Variants in LRRC58 observed in about 807,000 individuals in gnomAD.
LRRC58 encodes leucine-rich repeat-containing protein 58.
A neutral mutation model predicts 30.6 loss-of-function variants in LRRC58; 18 were observed. That is an observed-to-expected ratio of 0.59 (90% CI 0.41 to 0.87). The LOEUF (loss-of-function observed/expected upper bound fraction) is 0.87. Among genes scored for constraint, LRRC58 ranks in the 40% least tolerant of loss-of-function variants. LRRC58 has a pLI of 0.00. For synonymous variants in LRRC58, 221 were observed against 206.0 expected, an observed-to-expected ratio of 1.07 and a Z score of -0.62; for missense variants, 420 against 468.4, an observed-to-expected ratio of 0.90 and a Z score of 0.95.
In LRRC58 at chr3:120,335,870, A is replaced by G. The variant is rs781420197; in HGVS notation, c.584T>C (p.Val195Ala). 1.2e-6 allele frequency: 2 copies of G among 1,609,362 alleles called. No homozygotes were observed. Among genetic ancestry groups the G allele is most frequent in the Admixed American group, 1.7e-5 (1 of 60,002 alleles). The change falls in exon 2 of 4, where the codon GTA (valine) becomes GCA (alanine). Residue 195 changes from valine to alanine, a missense_variant. Transcript: ENST00000295628. ...LGNLPSLNYL[V>A]LCDNKIQSIP... ...GCTTTGGATTTTGTTGTCACATAAT[A>G]CCAAATAATTCAGAGAAGGCAGATT...
chr3:120,344,334 T>C (rs1935941511), intron 1 of LRRC58, among the ~76,000 whole-genome samples: 1 of 152,204 alleles, frequency 6.6e-6, no homozygotes, highest in Non-Finnish European at 1.5e-5. Context: ...AATAGATGCA[T>C]CATCTCTTGA....
In LRRC58 at chr3:120,329,632, A is replaced by C. The variant is rs1427360552; in HGVS notation, c.*1568T>G. The C allele has an allele frequency of 6.8e-6, 1 of 148,030 alleles. No homozygotes were observed. Among genetic ancestry groups the C allele is most frequent in the Non-Finnish European group, 1.5e-5 (1 of 67,888 alleles). 9.2% of individuals were successfully genotyped at this position (148,030 alleles called of 1,614,324 possible). A position where few individuals can be genotyped will look rare whatever the true frequency, so the allele number is the denominator to read the frequency against. On this transcript the variant is annotated 3_prime_UTR_variant, in exon 4 of 4. Transcript: ENST00000295628. ...TCTTCTAAAATAAAAAATATATATG[A>C]AAAAAACCCTAATACATGTATATGT...
At chr3:120,344,515 C>T (rs1028127393) in intron 1 of LRRC58, among the ~76,000 whole-genome samples, 1 of 152,210 alleles carries the variant, frequency 6.6e-6, no homozygotes, top group Non-Finnish European at 1.5e-5. Context: ...ACCTACTGTA[C>T]ACTAACTTCA....
At position 120,325,625 on chromosome 3, in the gene LRRC58, AGAAGAG is replaced by A. The variant is rs1935663152; in HGVS notation, c.*5569_*5574del. The A allele has an allele frequency of 6.6e-6, 1 of 152,206 alleles. No homozygotes were observed. 9.4% of individuals were successfully genotyped at this position (152,206 alleles called of 1,614,324 possible). On this transcript the variant is annotated 3_prime_UTR_variant, in exon 4 of 4. Coordinates refer to ENST00000295628, the MANE Select transcript of LRRC58 (RefSeq NM_001099678.2). ...ATCAATTCTTAGTAAATATAGACCA[AGAAGAG>A]ATAGAAAAAGAATGGGAGATATTTA...
rs1935666947 is a variant in LRRC58 at position 120,325,870 on chromosome 3, T to C, written c.*5330A>G. On this transcript the variant is annotated 3_prime_UTR_variant, in exon 4 of 4. Transcript: ENST00000295628. ...GTGATTTTATTTCAGGGGACCCTGATTCTTATGACTTTGACATCCTGGGAC... is the reference window on the plus strand; with the variant it reads ...GTGATTTTATTTCAGGGGACCCTGACTCTTATGACTTTGACATCCTGGGAC... 6.6e-6 allele frequency: 1 copy of C among 152,210 alleles called. No homozygotes were observed. 9.4% of individuals were successfully genotyped at this position (152,210 alleles called of 1,614,324 possible). A position where few individuals can be genotyped will look rare whatever the true frequency, so the allele number is the denominator to read the frequency against.
Position 120,334,957 on chromosome 3 carries a change from T to C in LRRC58, c.812A>G (p.Lys271Arg). The change falls in exon 3 of 4, where the codon AAG (lysine) becomes AGG (arginine). Residue 271 changes from lysine (K) to arginine (R), a missense_variant. Physicochemically the swap from Lys to Arg is conservative, Grantham distance 26. Around this residue, in one of 2 missense-constraint regions of LRRC58, gnomAD observed 154 missense variants for 216.8 expected, o/e 0.71. Coordinates refer to ENST00000295628, the MANE Select transcript of LRRC58 (RefSeq NM_001099678.2). ...TLLELAARTI[K>R]IRNISYTPYD... is the part of the protein sequence containing the mutation. ...GGGAGTGTAGGAAATATTTCGAATCTTAATGGTCCGTGCAGCTAATTCCAG... is the reference window on the plus strand; with the variant it reads ...GGGAGTGTAGGAAATATTTCGAATCCTAATGGTCCGTGCAGCTAATTCCAG... The C allele has an allele frequency of 1.2e-6, 2 of 1,613,878 alleles. No individual in the cohort carries two copies. Among genetic ancestry groups the C allele is most frequent in the Non-Finnish European group, 1.7e-6 (2 of 1,179,830 alleles).
chr3:120,334,381 G>A (rs919368905), intron 3 of LRRC58, among the ~76,000 whole-genome samples: 2 of 151,998 alleles, frequency 1.3e-5, no homozygotes, highest in Non-Finnish European at 2.9e-5. Flanking sequence ...TGTGGTGGGC[G>A]CCTGTAGTCC....
chr3:120,348,158 C>A (rs2107629163), intron 1 of LRRC58, among the ~76,000 whole-genome samples: 1 of 152,280 alleles, frequency 6.6e-6, no homozygotes, highest in Non-Finnish European at 1.5e-5. Flanking sequence ...AGGAAACATT[C>A]CAAGCAAGGG....
intron 1 of LRRC58, among the ~76,000 whole-genome samples, chr3:120,342,313 A>G (rs975244216): frequency 6.6e-6 from 1 of 152,178 alleles, no homozygotes; most frequent in African/African-American, 2.4e-5. Context: ...CCATGGACCA[A>G]TCAGCATGCA....
intron 1 of LRRC58, among the ~76,000 whole-genome samples, chr3:120,341,467 ATAT>A (rs1935903519): frequency 6.6e-6 from 1 of 152,234 alleles, no homozygotes; most frequent in South Asian, 2.1e-4. Context: ...GCAAGTGTAA[ATAT>A]TATCCTTTCT....
chr3:120,336,913 T>G (rs962594910), intron 1 of LRRC58, among the ~76,000 whole-genome samples: 2 of 150,536 alleles, frequency 1.3e-5, no homozygotes, highest in African/African-American at 4.9e-5. Flanking sequence ...TACAAACACA[T>G]ACAGATTTTT....
chr3:120,336,101 C>A, intron 1 of LRRC58, 148 bp from the exon 2 acceptor site: 4 of 600,518 alleles, frequency 6.7e-6, no homozygotes, highest in Non-Finnish European at 1.1e-5. Context: ...TCTAGAGAAA[C>A]AATGCAATTT....
chr3:120,338,062 C>T (rs1321042468), intron 1 of LRRC58, among the ~76,000 whole-genome samples: 1 of 152,112 alleles, frequency 6.6e-6, no homozygotes, highest in Non-Finnish European at 1.5e-5. Flanking sequence ...AAGCTGGTCT[C>T]GAATTCCTGA....
chr3:120,331,546 G>T, intron 3 of LRRC58, 138 bp from the exon 4 acceptor site: 1 of 699,284 alleles, frequency 1.4e-6, no homozygotes, highest in Non-Finnish European at 2.5e-6. Flanking sequence ...GTACTTGCTT[G>T]TATAGCTGTC....
rs1308151491 is a variant in LRRC58, at chr3:120,330,128, A to T, written c.*1072T>A. On this transcript the variant is annotated 3_prime_UTR_variant, in exon 4 of 4. Transcript: ENST00000295628. ...TTTCTAGTTGTATTAGTTTTTCTTT[A>T]AAAAGTAGAGAAAGATGGTCCAGTA... 1 of 152,022 alleles carries T rather than the reference A, an allele frequency of 6.6e-6. No individual in the cohort carries two copies. Among genetic ancestry groups the T allele is most frequent in the Admixed American group, 6.6e-5 (1 of 15,262 alleles). The allele number at this position is 152,022 out of a possible 1,614,324, so 9.4% of individuals were successfully genotyped here. A position where few individuals can be genotyped will look rare whatever the true frequency, so the allele number is the denominator to read the frequency against.
chr3:120,343,273 A>G (rs1447247784), intron 1 of LRRC58, among the ~76,000 whole-genome samples: 1 of 152,214 alleles, frequency 6.6e-6, no homozygotes, highest in Non-Finnish European at 1.5e-5. Context: ...AATAATTTCC[A>G]AATTTCTAGG....
chr3:120,326,909 T>C lies in LRRC58; in HGVS notation c.*4291A>G, dbSNP rs1242929081. On this transcript the variant is annotated 3_prime_UTR_variant, in exon 4 of 4. Coordinates refer to ENST00000295628, the MANE Select transcript of LRRC58 (RefSeq NM_001099678.2). Reference sequence around the variant, plus strand: ...TGCACTATTTGCTGTGTGTTTTTTCTTTTTTACATAGTGAAAAGGTAAACA... The same window carrying C: ...TGCACTATTTGCTGTGTGTTTTTTCCTTTTTACATAGTGAAAAGGTAAACA... The C allele has an allele frequency of 2.0e-5, 3 of 152,230 alleles. No homozygotes were observed. Among genetic ancestry groups the C allele is most frequent in the African/African-American group, 7.2e-5 (3 of 41,460 alleles). The allele number at this position is 152,230 out of a possible 1,614,324, so 9.4% of individuals were successfully genotyped here.
chr3:120,339,693 G>T (rs1219284748), intron 1 of LRRC58, among the ~76,000 whole-genome samples: 1 of 151,926 alleles, frequency 6.6e-6, no homozygotes, highest in Non-Finnish European at 1.5e-5. Context: ...TAGGAGTAAA[G>T]ATTTTTTCTT....
At position 120,329,885 on chromosome 3, in the gene LRRC58, A is replaced by G. The variant is rs768677224; in HGVS notation, c.*1315T>C. 1.8e-4 allele frequency: 27 copies of G among 152,172 alleles called. No homozygotes were observed. The highest frequency in any genetic ancestry group is 3.8e-4 in the Non-Finnish European group (26 of 67,908). The allele number at this position is 152,172 out of a possible 1,614,324, so 9.4% of individuals were successfully genotyped here. A position where few individuals can be genotyped will look rare whatever the true frequency, so the allele number is the denominator to read the frequency against. On this transcript the variant is annotated 3_prime_UTR_variant, in exon 4 of 4. Transcript: ENST00000295628. ...TTCAATTTGTATTGCATATTAAAGT[A>G]CTTAATAAAAATTTGGTAATTTCTA...
Sources: gnomAD v4.1 joint callset for allele counts (sites outside exome capture counted in the v4.1 genomes callset) on GRCh38, gnomAD v4.1.1 for gene constraint, gnomAD v4.1.1 regional missense constraint, MANE v1.5 for transcripts, NCBI Gene and HGNC (gene_info 2026-07-23, HGNC 2026-07-21) for gene names.